The following ZSWIM4 variants were observed in gnomAD, a reference collection of about 807,000 sequenced individuals.
ZSWIM4 encodes the protein zinc finger SWIM-type containing 4, also known as zinc finger SWIM domain-containing protein 4.
Under a neutral mutation model 102.5 loss-of-function variants are expected in ZSWIM4, and 62 were observed. That is an observed-to-expected ratio of 0.60 (90% confidence interval 0.49 to 0.75). ZSWIM4 has a LOEUF of 0.75. ZSWIM4 is among the 30% of genes least tolerant of loss of function. The pLI, the probability that ZSWIM4 is intolerant of heterozygous loss-of-function variation, is 0.00. For missense variants in ZSWIM4, 1,280 were observed against 1,529.6 expected (o/e 0.84, Z 2.72); for synonymous variants, 652 against 674.5 (o/e 0.97, Z 0.52).
Position 13,795,592 on chromosome 19 carries a change from C to A in ZSWIM4, c.-57C>A. On this transcript the variant is annotated 5_prime_UTR_variant, in exon 1 of 14. Coordinates refer to ENST00000590508, the MANE Select transcript of ZSWIM4 (RefSeq NM_001367834.3). ...GCGGGAGCCGGCGAAGCGGAGCGGG[C>A]ATCGGACCGAGCCCCCCAAAGAGGC... The A allele has an allele frequency of 3.7e-6, 1 of 272,892 alleles. No individual in the cohort carries two copies. Among genetic ancestry groups the A allele is most frequent in the Non-Finnish European group, 6.6e-6 (1 of 151,282 alleles). 16.9% of individuals were successfully genotyped at this position (272,892 alleles called of 1,614,324 possible). A position where few individuals can be genotyped will look rare whatever the true frequency, so the allele number is the denominator to read the frequency against.
chr19:13,810,448 A>G (rs1421930652), intron 5 of ZSWIM4, among the ~76,000 whole-genome samples: 1 of 151,056 alleles, frequency 6.6e-6, no homozygotes, highest in Non-Finnish European at 1.5e-5. Context: ...GCGTGCCACC[A>G]TGCCTAGCTA....
rs919624665 is a variant in ZSWIM4 at position 13,830,890 on chromosome 19, G to A, written c.3161G>A (p.Arg1054Gln). ...SHSRLTHISP[R>Q]HYGDFIEFLG... is the part of the protein sequence containing the mutation. ...TCGCGCCTCACGCACATCAGCCCGC[G>A]GCACTATGGGGATTTCATCGAATTC... The change falls in exon 14 of 14, where the codon CGG (arginine) becomes CAG (glutamine). Residue 1054 changes from arginine (R) to glutamine (Q), a missense_variant. Coordinates refer to ENST00000590508, the MANE Select transcript of ZSWIM4 (RefSeq NM_001367834.3). 4.3e-6 allele frequency: 7 copies of A among 1,614,196 alleles called. No individual in the cohort carries two copies. Among genetic ancestry groups the A allele is most frequent in the Non-Finnish European group, 5.1e-6 (6 of 1,180,032 alleles).
chr19:13,827,345 C>A lies in ZSWIM4; in HGVS notation c.2380-1300C>A, dbSNP rs187327766. Among the ~76,000 whole-genome samples the A allele has an allele frequency of 5.9e-4, 90 of 151,440 alleles. 3 individuals are homozygous for A. The highest frequency in any genetic ancestry group is 5.7e-3 in the Admixed American group (86 of 15,192). On this transcript the variant is annotated intron_variant, in intron 12 of 13. Coordinates refer to ENST00000590508, the MANE Select transcript of ZSWIM4 (RefSeq NM_001367834.3). ...TGGGGCCAGGCCCTGTGGTTCACAC[C>A]TGTAATCCCAGCACTTTGGGAGGCC...
In ZSWIM4 at chr19:13,819,348, T is replaced by C. The variant is rs1459731036; in HGVS notation, c.1925-9T>C. 2 of 1,613,762 alleles carry C rather than the reference T, an allele frequency of 1.2e-6. No individual in the cohort carries two copies. Among genetic ancestry groups the C allele is most frequent in the East Asian group, 4.5e-5 (2 of 44,866 alleles). On this transcript the variant is annotated splice_polypyrimidine_tract_variant and intron_variant, in intron 9 of 13. Transcript: ENST00000590508. ...ACACTTGGGGACTGAGCTCAGGCTG[T>C]TCCTGCAGGGGGTCCCTTCAGTGGC...
intron 3 of ZSWIM4, among the ~76,000 whole-genome samples, chr19:13,807,065 GGTTA>G (rs1974938819): frequency 6.6e-6 from 1 of 152,064 alleles, no homozygotes; most frequent in Non-Finnish European, 1.5e-5. Flanking sequence ...AGATAACTAG[GGTTA>G]GTTATTGGAT....
chr19:13,829,306 G>C (rs994436414), intron 13 of ZSWIM4, among the ~76,000 whole-genome samples: 4 of 150,958 alleles, frequency 2.6e-5, no homozygotes, highest in Non-Finnish European at 5.9e-5. Flanking sequence ...CAAAAAGAAA[G>C]AGGGCCAGGC....
rs1376356547 is a variant in ZSWIM4, at chr19:13,823,465, G to A, written c.2180G>A (p.Cys727Tyr). ...CTTGGCCACCTGGAGACCCGCCAGTGTGAACTGGCTTCCACCATGTTGACG... is the reference window on the plus strand; with the variant it reads ...CTTGGCCACCTGGAGACCCGCCAGTATGAACTGGCTTCCACCATGTTGACG... The part of the protein sequence containing the change: ...FILGHLETRQ[C>Y]ELASTMLTAA... Residue 727 changes from cysteine (C) to tyrosine (Y), a missense_variant, in exon 11 of 14, where the codon TGT (cysteine) becomes TAT (tyrosine). By Grantham distance (194) the Cys-to-Tyr change is radical (BLOSUM62 -2). Coordinates refer to ENST00000590508, the MANE Select transcript of ZSWIM4 (RefSeq NM_001367834.3). 1.9e-6 allele frequency: 3 copies of A among 1,589,906 alleles called. No homozygotes were observed. Among genetic ancestry groups the A allele is most frequent in the East Asian group, 4.6e-5 (2 of 43,202 alleles).
chr19:13,832,254 ATGTC>A (rs1165266170), downstream of ZSWIM4: 1 of 147,600 alleles, frequency 6.8e-6, no homozygotes, highest in Non-Finnish European at 1.5e-5. Context: ...AAAAAAAAAA[ATGTC>A]TGGCCTTATT....
chr19:13,814,476 AC>A (rs902781623), intron 6 of ZSWIM4, 38 bp from the exon 7 acceptor site: 16 of 1,096,960 alleles, frequency 1.5e-5, no homozygotes, highest in South Asian at 5.6e-5. Context: ...TGCTATAGGG[AC>A]CCCCCCTCAC....
Position 13,809,023 on chromosome 19 carries a change from C to G in ZSWIM4, c.861+39C>G. ...CGGCGGGGCGCGGGGTGCAGAAGGC[C>G]CCGGCGGACGCCCCAGCCCTTCCTC... On this transcript the variant is annotated intron_variant, in intron 4 of 13. Transcript: ENST00000590508. The surrounding 1 kb of genome is among the most constrained non-coding windows in gnomAD (Gnocchi z 4.2). The G allele has an allele frequency of 6.2e-7, 1 of 1,606,802 alleles. No individual in the cohort carries two copies. The highest frequency in any genetic ancestry group is 8.5e-7 in the Non-Finnish European group (1 of 1,174,848).
rs549044852 is a variant in ZSWIM4, at chr19:13,804,718, G to C, written c.356-74G>C. ...AGTGACTCGGCTGGGCTTTGCAACCGGGTCTTGCTGTGTACCACAAACACC... is the reference window on the plus strand; with the variant it reads ...AGTGACTCGGCTGGGCTTTGCAACCCGGTCTTGCTGTGTACCACAAACACC... On this transcript the variant is annotated intron_variant, in intron 2 of 13. Coordinates refer to ENST00000590508, the MANE Select transcript of ZSWIM4 (RefSeq NM_001367834.3). 3 of 1,266,804 alleles carry C rather than the reference G, an allele frequency of 2.4e-6. No individual in the cohort carries two copies. In the African/African-American group the frequency reaches 4.5e-5, roughly 19 times the overall value. 78.5% of individuals were successfully genotyped at this position (1,266,804 alleles called of 1,614,324 possible).
In ZSWIM4 at chr19:13,830,534, G is replaced by C. The variant is rs1199338596; in HGVS notation, c.2805G>C (p.Pro935=). 5.6e-6 allele frequency: 9 copies of C among 1,599,434 alleles called. No individual in the cohort carries two copies. The highest frequency in any genetic ancestry group is 7.6e-6 in the Non-Finnish European group (9 of 1,179,414). The change falls in exon 14 of 14, where the codon CCG becomes CCC. Residue 935 remains proline (P), a synonymous_variant. Coordinates refer to ENST00000590508, the MANE Select transcript of ZSWIM4 (RefSeq NM_001367834.3). ...GCTATATGGAGCACCGCGGGCTGCC[G>C]CTCCGGGCCTACAAGCTGGCGACGC... is the stretch of plus-strand genomic sequence containing the variant. ...VARYMEHRGL[P]LRAYKLATLA...
rs374135175 is a variant in ZSWIM4, at chr19:13,804,970, C to A, written c.534C>A (p.His178Gln). ...VVALSLYRIR[H>Q]AHQVELRLPI... ...CCCTGTCCCTGTACCGCATTCGGCACGCCCACCAGGTGGAGCTGCGGCTGC... is the reference window on the plus strand; with the variant it reads ...CCCTGTCCCTGTACCGCATTCGGCAAGCCCACCAGGTGGAGCTGCGGCTGC... Residue 178 changes from histidine (H) to glutamine (Q), a missense_variant, in exon 3 of 14, where the codon CAC (histidine) becomes CAA (glutamine). Coordinates refer to ENST00000590508, the MANE Select transcript of ZSWIM4 (RefSeq NM_001367834.3). The A allele has an allele frequency of 6.2e-7, 1 of 1,613,010 alleles. No individual in the cohort carries two copies. The highest frequency in any genetic ancestry group is 8.5e-7 in the Non-Finnish European group (1 of 1,180,042).
rs1355851715 is a variant in ZSWIM4 at position 13,808,941 on chromosome 19, G to A, written c.818G>A (p.Gly273Asp). The change falls in exon 4 of 14, where the codon GGC becomes GAC. Residue 273 changes from glycine to aspartate, a missense_variant. Physicochemically the swap from Gly to Asp is moderately conservative, Grantham distance 94 (BLOSUM62 -1). Transcript: ENST00000590508. The part of the protein sequence containing the change: ...EQVKQLLSNG[G>D]YYGASQQLRS... The stretch of plus-strand genomic sequence containing the variant: ...GTGAAGCAGCTACTGTCCAATGGCG[G>A]CTACTACGGGGCCAGCCAGCAGCTG... 23 of 1,609,658 alleles carry A rather than the reference G, an allele frequency of 1.4e-5. No individual in the cohort carries two copies. The highest frequency in any genetic ancestry group is 1.9e-5 in the Non-Finnish European group (22 of 1,178,274).
rs1167367440 is a variant in ZSWIM4, at chr19:13,808,826, C to G, written c.713-10C>G. The G allele has an allele frequency of 6.3e-6, 10 of 1,594,120 alleles. No individual in the cohort carries two copies. Among genetic ancestry groups the G allele is most frequent in the African/African-American group, 2.7e-5 (2 of 74,520 alleles). On this transcript the variant is annotated splice_polypyrimidine_tract_variant and intron_variant, in intron 3 of 13. Transcript: ENST00000590508. The stretch of plus-strand genomic sequence containing the variant: ...CCCAGCCTCAGCTTCCTTTCCCTCC[C>G]TCCCGGCAGGTGCCCCAGACCCCAC...
chr19:13,810,298 G>A (rs1232434876), intron 5 of ZSWIM4, among the ~76,000 whole-genome samples: 1 of 127,390 alleles, frequency 7.8e-6, no homozygotes, highest in Non-Finnish European at 1.7e-5. Flanking sequence ...CACCTGGCCT[G>A]TTTTCTTTTT....
chr19:13,828,854 A>T, intron 13 of ZSWIM4, 128 bp downstream of exon 13: 3 of 842,650 alleles, frequency 3.6e-6, no homozygotes, highest in Non-Finnish European at 5.6e-6. Context: ...TAATCCCAGC[A>T]CTTTGGGAGG....
rs535972805 is a variant in ZSWIM4, at chr19:13,795,816, AG to A, written c.153+20del. 25 of 1,224,514 alleles carry A rather than the reference AG, an allele frequency of 2.0e-5. No individual in the cohort carries two copies. The Admixed American group carries it at 3.1e-4, about 15-fold the overall frequency. The allele number at this position is 1,224,514 out of a possible 1,614,324, so 75.9% of individuals were successfully genotyped here. A position where few individuals can be genotyped will look rare whatever the true frequency, so the allele number is the denominator to read the frequency against. ...CCTTCGAGCAGGTGACCGCGGGGGA[AG>A]GGGGCGGGGGCAGGGACGCACCCCC... On this transcript the variant is annotated intron_variant, in intron 1 of 13. Transcript: ENST00000590508.
chr19:13,807,135 C>T (rs115476072), intron 3 of ZSWIM4, among the ~76,000 whole-genome samples: 1,516 of 151,100 alleles, frequency 0.01, 20 homozygotes, highest in African/African-American at 0.036. Flanking sequence ...GACAAATGGG[C>T]GGGTGGGTAT....
Sources: gnomAD v4.1 joint callset for allele counts (sites outside exome capture counted in the v4.1 genomes callset) on GRCh38, gnomAD v4.1.1 for gene constraint, Gnocchi (gnomAD v3.1) non-coding constraint, MANE v1.5 for transcripts, NCBI Gene and HGNC (gene_info 2026-07-23, HGNC 2026-07-21) for gene names.